Variants in RFX3 observed in about 807,000 individuals in gnomAD.
RFX3 encodes transcription factor RFX3.
Under a neutral mutation model 98.6 loss-of-function variants are expected in RFX3, and 14 were observed. That is an observed-to-expected ratio of 0.14 (90% confidence interval 0.09 to 0.22). The LOEUF is 0.22. RFX3 is among the 10% of genes least tolerant of loss of function. The pLI, the probability that RFX3 is intolerant of heterozygous loss-of-function variation, is 1.00. For missense variants in RFX3, 639 were observed against 926.9 expected (o/e 0.69, Z 4.03); for synonymous variants, 383 against 328.4 (o/e 1.17, Z -1.80).
chr9:3,415,517 A>G (rs1842908408), intron 1 of RFX3, among the ~76,000 whole-genome samples: 1 of 152,136 alleles, frequency 6.6e-6, no homozygotes, highest in Non-Finnish European at 1.5e-5. Context: ...CCATTACTGA[A>G]GGCAGGTTGC....
intron 2 of RFX3, among the ~76,000 whole-genome samples, chr9:3,391,121 G>T (rs568569622): frequency 1.3e-4 from 20 of 152,120 alleles, no homozygotes; most frequent in Non-Finnish European, 2.8e-4. Flanking sequence ...TTATGGGTCA[G>T]TAACAAAAGC....
chr9:3,383,174 G>T (rs918847836), intron 2 of RFX3, among the ~76,000 whole-genome samples: 1 of 151,710 alleles, frequency 6.6e-6, no homozygotes, highest in African/African-American at 2.4e-5. Flanking sequence ...TTTTTTTAAG[G>T]TTCTATATTT....
At chr9:3,315,659 T>A (rs1207719653) in intron 4 of RFX3, among the ~76,000 whole-genome samples, 1 of 151,570 alleles carries the variant, frequency 6.6e-6, no homozygotes, top group Non-Finnish European at 1.5e-5. Flanking sequence ...GAGACAAGAA[T>A]CAGATAGATG....
intron 1 of RFX3, among the ~76,000 whole-genome samples, chr9:3,448,331 G>A (rs1001998203): frequency 6.6e-6 from 1 of 152,064 alleles, no homozygotes; most frequent in Non-Finnish European, 1.5e-5. Flanking sequence ...GCAGTTGGTA[G>A]GGATTTTGAC....
At chr9:3,481,263 G>A (rs965125730) in intron 1 of RFX3, among the ~76,000 whole-genome samples, 5 of 152,154 alleles carry the variant, frequency 3.3e-5, no homozygotes, top group Middle Eastern at 6.8e-3. Context: ...TGCCTAATAG[G>A]CACTTGATAA....
At chr9:3,501,219 CT>C (rs1466674884) in intron 1 of RFX3, among the ~76,000 whole-genome samples, 4 of 152,058 alleles carry the variant, frequency 2.6e-5, no homozygotes, top group Non-Finnish European at 5.9e-5. Context: ...ACCCACCTTC[CT>C]AAAAGAAAAT....
intron 1 of RFX3, among the ~76,000 whole-genome samples, chr9:3,437,022 A>T (rs1332577976): frequency 6.6e-6 from 1 of 152,114 alleles, no homozygotes; most frequent in Non-Finnish European, 1.5e-5. Flanking sequence ...AAATCCTAGC[A>T]GTTTTCTTTT....
chr9:3,479,896 G>A (rs1049046653), intron 1 of RFX3, among the ~76,000 whole-genome samples: 1 of 152,254 alleles, frequency 6.6e-6, no homozygotes, highest in South Asian at 2.1e-4. Flanking sequence ...ATTCACCCAA[G>A]TATAGGCCAA....
At chr9:3,266,161 G>T (rs754607373) in intron 12 of RFX3, 47 bp downstream of exon 12, 12 of 1,147,586 alleles carry the variant, frequency 1.0e-5, no homozygotes, top group Non-Finnish European at 1.4e-5. Flanking sequence ...TCACAATTCA[G>T]AATAATTTCC....
chr9:3,508,976 C>CA (rs1817398962), intron 1 of RFX3, among the ~76,000 whole-genome samples: 2 of 151,692 alleles, frequency 1.3e-5, no homozygotes, highest in Admixed American at 1.3e-4. Context: ...CACACACACA[C>CA]AGAAAGAGAG....
rs1817597063 is a variant in RFX3, at chr9:3,224,903, C to A, written c.*139G>T. The A allele has an allele frequency of 1.3e-6, 1 of 795,168 alleles. No individual in the cohort carries two copies. The highest frequency in any genetic ancestry group is 3.9e-4 in the Middle Eastern group (1 of 2,586). The allele number at this position is 795,168 out of a possible 1,614,324, so 49.3% of individuals were successfully genotyped here. A position where few individuals can be genotyped will look rare whatever the true frequency, so the allele number is the denominator to read the frequency against. ...ATCTGGCAAAATACATACACCCATT[C>A]CATTTCACAACTCCAAAAAGTTAAT... On this transcript the variant is annotated 3_prime_UTR_variant, in exon 17 of 17. Transcript: ENST00000617270.
intron 11 of RFX3, among the ~76,000 whole-genome samples, chr9:3,269,145 A>G (rs2131312002): frequency 6.6e-6 from 1 of 152,136 alleles, no homozygotes; most frequent in South Asian, 2.1e-4. Flanking sequence ...ACCAATTTAC[A>G]AAATTGTGAG....
intron 2 of RFX3, among the ~76,000 whole-genome samples, chr9:3,385,308 G>A (rs1250682232): frequency 3.9e-5 from 6 of 152,076 alleles, no homozygotes; most frequent in East Asian, 3.9e-4. Context: ...AGTTTGATAG[G>A]CAAATTAGAT....
chr9:3,302,747 T>C (rs1276418340), intron 4 of RFX3, among the ~76,000 whole-genome samples: 2 of 151,868 alleles, frequency 1.3e-5, no homozygotes, highest in Admixed American at 6.6e-5. Context: ...GTAATATCTA[T>C]AGCAAAGTCT....
At chr9:3,374,594 C>G (rs1838241824) in intron 2 of RFX3, among the ~76,000 whole-genome samples, 1 of 152,132 alleles carries the variant, frequency 6.6e-6, no homozygotes, top group African/African-American at 2.4e-5. Flanking sequence ...ATTTCGCTAA[C>G]TGAAATAAAC....
chr9:3,440,736 C>G (rs1432788780), intron 1 of RFX3, among the ~76,000 whole-genome samples: 1 of 152,044 alleles, frequency 6.6e-6, no homozygotes, highest in Non-Finnish European at 1.5e-5. Context: ...CAAGTTAACT[C>G]TAAAATTCAT....
At chr9:3,509,938 G>T (rs1817505436) in intron 1 of RFX3, among the ~76,000 whole-genome samples, 1 of 151,892 alleles carries the variant, frequency 6.6e-6, no homozygotes, top group African/African-American at 2.4e-5. Context: ...GAAGTGGGGA[G>T]GAGGAAGGAG....
At chr9:3,290,882 A>T (rs1460080436) in intron 6 of RFX3, among the ~76,000 whole-genome samples, 2 of 152,170 alleles carry the variant, frequency 1.3e-5, no homozygotes, top group South Asian at 4.1e-4. Context: ...AAGAAACAAC[A>T]GAAGCGGGCC....
intron 15 of RFX3, among the ~76,000 whole-genome samples, chr9:3,229,186 G>C (rs1818158379): frequency 6.6e-6 from 1 of 152,124 alleles, no homozygotes. Context: ...AGAAATAGGA[G>C]CCTGGATGAC....
Sources: gnomAD v4.1 joint callset for allele counts (sites outside exome capture counted in the v4.1 genomes callset) on GRCh38, gnomAD v4.1.1 for gene constraint, MANE v1.5 for transcripts, NCBI Gene and HGNC (gene_info 2026-07-23, HGNC 2026-07-21) for gene names.